Variants in ITPR1 observed in about 807,000 individuals in gnomAD.
ITPR1 encodes the protein inositol 1,4,5-trisphosphate receptor type 1.
ITPR1 carries 96 observed loss-of-function variants against 318.4 expected under a neutral mutation model. The observed-to-expected ratio is 0.30, with a 90% CI of 0.26 to 0.36. ITPR1 has a LOEUF of 0.36. Ranked by LOEUF, ITPR1 falls within the 10% of genes least tolerant of loss-of-function variation. ITPR1 has a pLI of 1.00. For missense variants in ITPR1, 2,440 were observed against 3,460.2 expected (o/e 0.71, Z 7.40); for synonymous variants, 1,312 against 1,289.9 (o/e 1.02, Z -0.37).
chr3:4,653,784 G>T, intron 11 of ITPR1, 58 bp from the exon 12 acceptor site: 2 of 1,293,008 alleles, frequency 1.5e-6, no homozygotes, highest in Non-Finnish European at 2.2e-6. Flanking sequence ...TGCAAGTGGG[G>T]CCCAGTCCTT....
intron 40 of ITPR1, chr3:4,724,299 A>G (rs890468666): frequency 6.6e-6 from 1 of 152,274 alleles, no homozygotes; most frequent in South Asian, 2.1e-4. Context: ...GACAGAAATC[A>G]TTAGATTACA....
At chr3:4,643,477 G>T (rs896334498) in intron 7 of ITPR1, among the ~76,000 whole-genome samples, 2 of 152,126 alleles carry the variant, frequency 1.3e-5, no homozygotes, top group Non-Finnish European at 2.9e-5. Context: ...CAAAGAATAG[G>T]TGTAGACCCA....
chr3:4,827,958 G>T (rs2050189003), intron 60 of ITPR1, among the ~76,000 whole-genome samples: 1 of 152,064 alleles, frequency 6.6e-6, no homozygotes, highest in African/African-American at 2.4e-5. Flanking sequence ...TAGATGGCGA[G>T]ACGGATAACA....
In ITPR1 at chr3:4,503,336, G is replaced by C. The variant is rs974243665; in HGVS notation, c.-17+8830G>C. On this transcript the variant is annotated intron_variant, in intron 2 of 61. Coordinates refer to ENST00000649015, the MANE Select transcript of ITPR1 (RefSeq NM_001378452.1). ...GGATGGGGACTCCGCAGTACCGAGT[G>C]TTGACTGCTTCTTGGGTAAGGGGCA... 2.0e-5 allele frequency among the ~76,000 whole-genome samples: 3 copies of C among 152,154 alleles called. No individual in the cohort carries two copies. In the East Asian group the frequency reaches 5.8e-4, roughly 29 times the overall value.
At chr3:4,717,184 T>C (rs2041831887) in intron 39 of ITPR1, among the ~76,000 whole-genome samples, 183 bp from the exon 40 acceptor site, 1 of 152,264 alleles carries the variant, frequency 6.6e-6, no homozygotes, top group African/African-American at 2.4e-5. Context: ...GTTTTGGTCC[T>C]GAGCAGATGT....
intron 47 of ITPR1, 91 bp downstream of exon 47, chr3:4,775,533 C>CCAACAGGCACAGGCTT: frequency 1.0e-6 from 1 of 973,774 alleles, no homozygotes; most frequent in Non-Finnish European, 1.6e-6. Flanking sequence ...GAAGCCTGTG[C>CCAACAGGCACAGGCTT]CTGTTGGCCT....
chr3:4,815,334 C>T (rs1421038186), intron 59 of ITPR1, 116 bp downstream of exon 59: 5 of 888,498 alleles, frequency 5.6e-6, no homozygotes, highest in Non-Finnish European at 8.6e-6. Flanking sequence ...GGAGGGGGCA[C>T]CGGCTGCTGC....
chr3:4,735,585 C>T (rs959623388), intron 44 of ITPR1: 2 of 525,822 alleles, frequency 3.8e-6, no homozygotes, highest in African/African-American at 3.8e-5. Context: ...TGATAAAACA[C>T]TGAGAATACG....
chr3:4,511,227 C>T (rs2081799956), intron 2 of ITPR1, among the ~76,000 whole-genome samples: 1 of 152,264 alleles, frequency 6.6e-6, no homozygotes, highest in South Asian at 2.1e-4. Flanking sequence ...GCTTCTCTTC[C>T]CCAAGGAGAT....
At position 4,680,661 on chromosome 3, in the gene ITPR1, A is replaced by G. The variant is rs770224244; in HGVS notation, c.3076A>G (p.Ser1026Gly). The change falls in exon 25 of 62, where the codon AGC becomes GGC. Residue 1026 changes from serine (S) to glycine (G), a missense_variant. Transcript: ENST00000649015. ...SQTSETSSGN[S>G]SQEGPSNVPG... ...GACTTCAGAAACATCCTCCGGAAAC[A>G]GCAGCCAAGAAGGGCCAAGTAATGT... 7.4e-6 allele frequency: 12 copies of G among 1,613,588 alleles called. No individual in the cohort carries two copies. The South Asian group carries it at 1.2e-4, about 16-fold the overall frequency.
chr3:4,532,331 G>A (rs304058), intron 4 of ITPR1, among the ~76,000 whole-genome samples: 151,507 of 152,262 alleles, frequency 1, 75,383 homozygotes, highest in Middle Eastern at 1. Flanking sequence ...GTAGTCTGAA[G>A]TGAGACCTGA....
At chr3:4,769,535 T>C (rs890255246) in intron 46 of ITPR1, among the ~76,000 whole-genome samples, 4 of 152,202 alleles carry the variant, frequency 2.6e-5, no homozygotes, top group African/African-American at 9.7e-5. Flanking sequence ...CAGAAAGAGG[T>C]GCTCAAAAAT....
chr3:4,635,636 C>T (rs1055722555), intron 5 of ITPR1, among the ~76,000 whole-genome samples: 10 of 152,018 alleles, frequency 6.6e-5, no homozygotes, highest in African/African-American at 2.2e-4. Flanking sequence ...TGAGCCACTG[C>T]GCCCAGCCAA....
intron 10 of ITPR1, among the ~76,000 whole-genome samples, chr3:4,647,744 A>C (rs976641463): frequency 1.2e-4 from 19 of 152,124 alleles, no homozygotes; most frequent in African/African-American, 4.6e-4. Flanking sequence ...GATGTTGAGC[A>C]TTTTTCTCAT....
rs567259569 is a variant in ITPR1, at chr3:4,574,064, C to T, written c.163+52970C>T. Among the ~76,000 whole-genome samples, 199 of 152,254 alleles carry T rather than the reference C, an allele frequency of 1.3e-3. 1 individual carries two copies. The highest frequency in any genetic ancestry group is 6.0e-3 in the South Asian group (29 of 4,824). ...ACAGAGGTGCCCCATGTACACATGG[C>T]GCCTTAGGTGGAGGTGGTTGCCCAG... On this transcript the variant is annotated intron_variant, in intron 4 of 61. Transcript: ENST00000649015.
intron 4 of ITPR1, among the ~76,000 whole-genome samples, chr3:4,614,194 A>T (rs1039409552): frequency 6.6e-6 from 1 of 152,208 alleles, no homozygotes; most frequent in African/African-American, 2.4e-5. Context: ...TGAGCCTGGG[A>T]GATGGAGGCT....
chr3:4,759,173 G>T (rs1186091058), intron 44 of ITPR1, among the ~76,000 whole-genome samples: 1 of 152,234 alleles, frequency 6.6e-6, no homozygotes, highest in Non-Finnish European at 1.5e-5. Flanking sequence ...GGTGGCTCTT[G>T]TTCCTGAAGC....
At chr3:4,813,869 G>C (rs1332809418) in intron 57 of ITPR1, among the ~76,000 whole-genome samples, 1 of 152,202 alleles carries the variant, frequency 6.6e-6, no homozygotes. Context: ...GATGAAATCT[G>C]TGTTTTAGCA....
intron 60 of ITPR1, among the ~76,000 whole-genome samples, chr3:4,827,192 G>T (rs111976679): frequency 0.028 from 4,285 of 152,194 alleles, 210 homozygotes; most frequent in African/African-American, 0.094. Flanking sequence ...TCCTGCTCCT[G>T]CCCCGACAGC....
Sources: allele counts gnomAD v4.1 joint callset (sites outside exome capture counted in the v4.1 genomes callset), GRCh38; gene constraint gnomAD v4.1.1; transcripts MANE v1.5; gene names NCBI Gene and HGNC (gene_info 2026-07-23, HGNC 2026-07-21).